The following CNKSR2 variants were observed in gnomAD, a reference collection of about 807,000 sequenced individuals.
The protein encoded by CNKSR2 is CNK homolog protein 2.
Under a neutral mutation model 84.4 loss-of-function variants are expected in CNKSR2, and 14 were observed. That is an observed-to-expected ratio of 0.17 (90% confidence interval 0.11 to 0.26). CNKSR2 has a LOEUF of 0.26. Ranked by LOEUF, CNKSR2 falls within the 10% of genes least tolerant of loss-of-function variation. The pLI is 1.00. For missense variants in CNKSR2, 485 were observed against 771.2 expected (o/e 0.63, Z 4.40); for synonymous variants, 275 against 277.9 (o/e 0.99, Z 0.10).
intron 11 of CNKSR2, among the ~76,000 whole-genome samples, chrX:21,537,292 A>G (rs189182172): frequency 3.5e-4 from 39 of 111,686 alleles, no homozygotes; most frequent in African/African-American, 1.0e-3. Flanking sequence ...CGTATGGTCT[A>G]TCCTGGAGAA....
intron 9 of CNKSR2, among the ~76,000 whole-genome samples, chrX:21,522,323 C>T (rs1051064115): frequency 2.7e-5 from 3 of 110,698 alleles, no homozygotes; most frequent in African/African-American, 9.8e-5. Flanking sequence ...GGGTATTTCC[C>T]CCCTGGAAGG....
chrX:21,508,285 G>A (rs905636055), intron 8 of CNKSR2, among the ~76,000 whole-genome samples: 4 of 112,147 alleles, frequency 3.6e-5, no homozygotes, highest in Admixed American at 9.4e-5. Context: ...GGCTATGATC[G>A]TGCCACTGCA....
intron 1 of CNKSR2, among the ~76,000 whole-genome samples, chrX:21,393,232 A>G (rs1393901798): frequency 1.8e-5 from 2 of 112,372 alleles, no homozygotes; most frequent in Non-Finnish European, 1.9e-5. Context: ...ATGCTCTGTG[A>G]GTACCAGCCT....
At chrX:21,467,848 G>A (rs1342055559) in intron 4 of CNKSR2, among the ~76,000 whole-genome samples, 1 of 110,392 alleles carries the variant, frequency 9.1e-6, no homozygotes, top group Non-Finnish European at 1.9e-5. Flanking sequence ...CTTAAATCTA[G>A]GATCACAGAT....
intron 18 of CNKSR2, among the ~76,000 whole-genome samples, chrX:21,604,083 C>G (rs925901163): frequency 8.9e-6 from 1 of 111,999 alleles, no homozygotes; most frequent in South Asian, 3.7e-4. Flanking sequence ...CAGTGTGTCT[C>G]TAATTTTCCA....
chrX:21,496,277 G>C (rs1234785529), intron 6 of CNKSR2, among the ~76,000 whole-genome samples: 1 of 111,234 alleles, frequency 9.0e-6, no homozygotes, highest in African/African-American at 3.3e-5. Flanking sequence ...CAGAGATCTT[G>C]TCCTCTTCTA....
chrX:21,605,500 A>G (rs1279514635), intron 18 of CNKSR2, among the ~76,000 whole-genome samples: 3 of 111,922 alleles, frequency 2.7e-5, no homozygotes, highest in Non-Finnish European at 3.8e-5. Flanking sequence ...CCGGAGGTAC[A>G]TAGCAGGAGG....
At chrX:21,580,560 T>C (rs1204756600) in intron 13 of CNKSR2, among the ~76,000 whole-genome samples, 1 of 111,684 alleles carries the variant, frequency 9.0e-6, no homozygotes, top group African/African-American at 3.2e-5. Context: ...GAAAAAAACT[T>C]TGATTTCAGA....
At chrX:21,437,733 A>T (rs1206113888) in intron 3 of CNKSR2, among the ~76,000 whole-genome samples, 1 of 110,551 alleles carries the variant, frequency 9.0e-6, no homozygotes, top group Non-Finnish European at 1.9e-5. Context: ...ATTTTTCATT[A>T]AAAATATTTT....
In CNKSR2 at chrX:21,564,231, G is replaced by A. The variant is rs189333211; in HGVS notation, c.1608+779G>A. Among the ~76,000 whole-genome samples the A allele has an allele frequency of 2.1e-3, 234 of 111,244 alleles. 1 individual carries two copies. Among genetic ancestry groups the A allele is most frequent in the African/African-American group, 7.2e-3 (220 of 30,619 alleles). On this transcript the variant is annotated intron_variant, in intron 13 of 21. Transcript: ENST00000379510. ...GTAAAGGTTAGATGAGGAACTGTAT[G>A]ATAAAGTACTTAGTTTCTTTCCTGC...
At chrX:21,517,300 A>T (rs2091737228) in intron 9 of CNKSR2, among the ~76,000 whole-genome samples, 1 of 110,443 alleles carries the variant, frequency 9.1e-6, no homozygotes, top group Admixed American at 9.7e-5. Context: ...CAGGAGGATC[A>T]TGTAAGCCCA....
intron 4 of CNKSR2, among the ~76,000 whole-genome samples, chrX:21,443,639 T>A (rs1485264572): frequency 9.0e-6 from 1 of 111,711 alleles, no homozygotes; most frequent in African/African-American, 3.2e-5. Flanking sequence ...AGGAAGAATA[T>A]TTACAATAAT....
chrX:21,467,571 A>G (rs892093358), intron 4 of CNKSR2, among the ~76,000 whole-genome samples: 1 of 111,986 alleles, frequency 8.9e-6, no homozygotes, highest in African/African-American at 3.3e-5. Flanking sequence ...CTTAATGCAG[A>G]TTTAAACTTT....
At chrX:21,407,977 G>A (rs766800320) in intron 1 of CNKSR2, among the ~76,000 whole-genome samples, 1 of 111,176 alleles carries the variant, frequency 9.0e-6, no homozygotes, top group South Asian at 3.8e-4. Flanking sequence ...AGGATCCTTA[G>A]AAATTTTTTC....
At chrX:21,641,312 A>G (rs929894058) in intron 20 of CNKSR2, among the ~76,000 whole-genome samples, 1 of 111,736 alleles carries the variant, frequency 8.9e-6, no homozygotes, top group African/African-American at 3.2e-5. Context: ...TTTCCAAACA[A>G]CCAAAGTTTA....
chrX:21,463,541 A>G (rs1435715695), intron 4 of CNKSR2, among the ~76,000 whole-genome samples: 1 of 111,201 alleles, frequency 9.0e-6, no homozygotes, highest in Non-Finnish European at 1.9e-5. Context: ...AGATTTCTTC[A>G]TGGTTAAATT....
intron 5 of CNKSR2, among the ~76,000 whole-genome samples, chrX:21,474,301 C>T (rs1409198539): frequency 1.8e-5 from 2 of 111,195 alleles, no homozygotes; most frequent in African/African-American, 3.3e-5. Context: ...CAACAAGGCT[C>T]GAATGCAGAT....
chrX:21,481,566 G>A (rs926256657), intron 5 of CNKSR2, among the ~76,000 whole-genome samples: 1 of 111,109 alleles, frequency 9.0e-6, no homozygotes, highest in South Asian at 3.9e-4. Flanking sequence ...TCATGATTAG[G>A]TTTTGATCTA....
At chrX:21,492,202 G>A (rs1363161087) in intron 6 of CNKSR2, 2 of 111,241 alleles carry the variant, frequency 1.8e-5, no homozygotes, top group Non-Finnish European at 3.8e-5. Flanking sequence ...TCAAAACAAT[G>A]CTAATTAATG....
Sources: gnomAD v4.1 joint callset for allele counts (sites outside exome capture counted in the v4.1 genomes callset) on GRCh38, gnomAD v4.1.1 for gene constraint, MANE v1.5 for transcripts, NCBI Gene and HGNC (gene_info 2026-07-23, HGNC 2026-07-21) for gene names.